The following PTPRN2 variants were observed in gnomAD, a reference collection of about 807,000 sequenced individuals.
PTPRN2 encodes the protein protein tyrosine phosphatase receptor type N2, also known as receptor-type tyrosine-protein phosphatase N2.
In PTPRN2, 74 loss-of-function variants were observed where a neutral mutation model predicts 118.8. The ratio of observed to expected loss-of-function variants is 0.62; its 90% confidence interval spans 0.52 to 0.76. The LOEUF (loss-of-function observed/expected upper bound fraction) is 0.76, where lower values mean the gene tolerates loss of function less well. PTPRN2 is among the 30% of genes least tolerant of loss of function. PTPRN2 has a pLI of 0.00. For synonymous variants in PTPRN2, 641 were observed against 608.0 expected (o/e 1.05, Z -0.80); for missense variants, 1,481 against 1,394.4 (o/e 1.06, Z -0.99).
At chr7:158,485,335 G>A (rs1230296206) in intron 2 of PTPRN2, among the ~76,000 whole-genome samples, 3 of 151,302 alleles carry the variant, frequency 2.0e-5, no homozygotes, top group Admixed American at 6.6e-5. Flanking sequence ...TTAGAAGCTC[G>A]GCCACCCCTC....
intron 14 of PTPRN2, among the ~76,000 whole-genome samples, chr7:157,651,748 C>G: frequency 6.6e-6 from 1 of 152,266 alleles, no homozygotes; most frequent in Non-Finnish European, 1.5e-5. Context: ...GATTAACACG[C>G]AGCCGCTTTG....
intron 12 of PTPRN2, among the ~76,000 whole-genome samples, chr7:157,878,388 G>A (rs1373670607): frequency 2.1e-5 from 3 of 141,940 alleles, no homozygotes; most frequent in Non-Finnish European, 3.0e-5. Context: ...AGAAGCTCTC[G>A]GATTCCGTGG....
intron 3 of PTPRN2, among the ~76,000 whole-genome samples, chr7:158,251,085 A>C (rs1796624917): frequency 6.6e-6 from 1 of 152,186 alleles, no homozygotes; most frequent in South Asian, 2.1e-4. Flanking sequence ...TGAAATCCTA[A>C]TGCATAGAAA....
chr7:158,207,071 T>C (rs1827214095), intron 3 of PTPRN2, among the ~76,000 whole-genome samples: 2 of 148,552 alleles, frequency 1.3e-5, no homozygotes, highest in Admixed American at 6.7e-5. Context: ...TGGTTTTTTG[T>C]TCTTGCGATA....
At chr7:158,066,448 G>C (rs1217120622) in intron 11 of PTPRN2, among the ~76,000 whole-genome samples, 4 of 152,236 alleles carry the variant, frequency 2.6e-5, no homozygotes, top group African/African-American at 9.6e-5. Flanking sequence ...TCTAAGCTGT[G>C]CTGCTTCCTT....
In PTPRN2 at chr7:158,328,648, C is replaced by T. The variant is rs575292666; in HGVS notation, c.164-11716G>A. On this transcript the variant is annotated intron_variant, in intron 2 of 22. Transcript: ENST00000389418. The stretch of plus-strand genomic sequence containing the variant: ...GCAGGGCCCCCATTCCTCCCACCAC[C>T]CAGATCCCAGTGAGGCCTGGGATGG... Among the ~76,000 whole-genome samples the T allele has an allele frequency of 2.0e-5, 3 of 151,940 alleles. No individual in the cohort carries two copies. The South Asian group carries it at 6.2e-4, about 31-fold the overall frequency.
intron 11 of PTPRN2, among the ~76,000 whole-genome samples, chr7:157,998,698 C>T (rs4716873): frequency 0.4 from 60,887 of 151,694 alleles, 14,416 homozygotes; most frequent in East Asian, 0.82. Context: ...TGGCAGGCAC[C>T]TGCAATCCCA....
At chr7:158,161,674 A>G (rs1249830434) in intron 6 of PTPRN2, among the ~76,000 whole-genome samples, 3 of 152,236 alleles carry the variant, frequency 2.0e-5, no homozygotes, top group Non-Finnish European at 4.4e-5. Flanking sequence ...GGGTTTGGTG[A>G]TGACTTTTTA....
In PTPRN2 at chr7:157,848,379, C is replaced by G. The variant is rs531479246; in HGVS notation, c.1788+50294G>C. Among the ~76,000 whole-genome samples, 3 of 150,754 alleles carry G rather than the reference C, an allele frequency of 2.0e-5. No individual in the cohort carries two copies. The South Asian group carries it at 6.3e-4, about 32-fold the overall frequency. On this transcript the variant is annotated intron_variant, in intron 12 of 22. Coordinates refer to ENST00000389418, the MANE Select transcript of PTPRN2 (RefSeq NM_002847.5). Reference sequence around the variant, plus strand: ...TACAGATGTTTACAGAGCCCTCTTTCATTACATCATATGTGCCCAATGTTT... The same window carrying G: ...TACAGATGTTTACAGAGCCCTCTTTGATTACATCATATGTGCCCAATGTTT...
rs112202608 is a variant in PTPRN2 at position 157,748,520 on chromosome 7, G to A, written c.1789-65583C>T. ...GTGTCTGGGTGATTCTTAGGTCTGCGTCTCTGAGCTGTGGGGTGTCCGGGT... is the reference window on the plus strand; with the variant it reads ...GTGTCTGGGTGATTCTTAGGTCTGCATCTCTGAGCTGTGGGGTGTCCGGGT... On this transcript the variant is annotated intron_variant, in intron 12 of 22. Transcript: ENST00000389418. Among the ~76,000 whole-genome samples, 432 of 131,796 alleles carry A rather than the reference G, an allele frequency of 3.3e-3. 7 individuals carry two copies. Among genetic ancestry groups the A allele is most frequent in the East Asian group, 0.011 (41 of 3,684 alleles). The allele number at this position is 131,796 out of a possible 152,430, so 86.5% of individuals were successfully genotyped here. A position where few individuals can be genotyped will look rare whatever the true frequency, so the allele number is the denominator to read the frequency against.
chr7:157,699,708 C>T lies in PTPRN2; in HGVS notation c.1789-16771G>A, dbSNP rs147337561. 4.9e-4 allele frequency among the ~76,000 whole-genome samples: 74 copies of T among 152,236 alleles called. 1 individual carries two copies. In the East Asian group the frequency reaches 0.013, roughly 27 times the overall value. ...CCTCCCAAAGTGCTGGAATTACAGG[C>T]GGGAGCCACCGCACCCTGCCCAGTT... On this transcript the variant is annotated intron_variant, in intron 12 of 22. Coordinates refer to ENST00000389418, the MANE Select transcript of PTPRN2 (RefSeq NM_002847.5).
At chr7:158,206,969 C>T (rs1268677736) in intron 3 of PTPRN2, among the ~76,000 whole-genome samples, 1 of 118,966 alleles carries the variant, frequency 8.4e-6, no homozygotes, top group African/African-American at 3.2e-5. Flanking sequence ...TCCCCCCACC[C>T]CACAACAGTC....
At chr7:157,568,250 G>A (rs1799584199) in intron 21 of PTPRN2, among the ~76,000 whole-genome samples, 1 of 151,950 alleles carries the variant, frequency 6.6e-6, no homozygotes, top group African/African-American at 2.4e-5. Flanking sequence ...CACGCCGTCT[G>A]CGCATGCTGC....
intron 2 of PTPRN2, among the ~76,000 whole-genome samples, chr7:158,374,049 G>A (rs181292083): frequency 9.2e-5 from 14 of 152,336 alleles, no homozygotes; most frequent in South Asian, 2.1e-4. Context: ...CGACGCCCAC[G>A]CGCCCGGCAC....
At chr7:158,397,928 G>A (rs896539917) in intron 2 of PTPRN2, among the ~76,000 whole-genome samples, 7 of 152,136 alleles carry the variant, frequency 4.6e-5, no homozygotes, top group Non-Finnish European at 8.8e-5. Flanking sequence ...AACGTAAATC[G>A]AGGTGTGCAT....
At position 158,194,193 on chromosome 7, in the gene PTPRN2, T is replaced by G. The variant is rs557892265; in HGVS notation, c.381-1698A>C. Among the ~76,000 whole-genome samples the G allele has an allele frequency of 2.0e-5, 3 of 152,330 alleles. No individual in the cohort carries two copies. The East Asian group carries it at 5.8e-4, about 29-fold the overall frequency. ...GTGTGAGTGCGTGTGTGCGTTTGTC[T>G]GTGTATGTGTGCGCCTGCACGCACA... is the stretch of plus-strand genomic sequence containing the variant. On this transcript the variant is annotated intron_variant, in intron 4 of 22. Coordinates refer to ENST00000389418, the MANE Select transcript of PTPRN2 (RefSeq NM_002847.5).
At chr7:158,108,738 G>GC (rs766752112) in intron 10 of PTPRN2, among the ~76,000 whole-genome samples, 1 of 152,186 alleles carries the variant, frequency 6.6e-6, no homozygotes, top group African/African-American at 2.4e-5. Context: ...GTCCCCTAGT[G>GC]CCCTCCATGC....
At chr7:158,452,475 A>G (rs75338518) in intron 2 of PTPRN2, among the ~76,000 whole-genome samples, 2,882 of 152,148 alleles carry the variant, frequency 0.019, 86 homozygotes, top group South Asian at 0.067. Flanking sequence ...GGCCTTCCCC[A>G]TTCTCCCTGG....
chr7:158,137,568 T>A (rs1049228477), intron 7 of PTPRN2, among the ~76,000 whole-genome samples: 3 of 152,182 alleles, frequency 2.0e-5, no homozygotes, highest in African/African-American at 4.8e-5. Context: ...GGGTCCCGAT[T>A]CCTTCAACCA....
Sources: allele counts gnomAD v4.1 joint callset (sites outside exome capture counted in the v4.1 genomes callset), GRCh38; gene constraint gnomAD v4.1.1; transcripts MANE v1.5; gene names NCBI Gene and HGNC (gene_info 2026-07-23, HGNC 2026-07-21).